The following CWF19L2 variants were observed in gnomAD, a reference collection of about 807,000 sequenced individuals.
CWF19L2 encodes CWF19 like cell cycle control factor 2, also known as CWF19-like protein 2.
A neutral mutation model predicts 111.7 loss-of-function variants in CWF19L2; 98 were observed. That is an observed-to-expected ratio of 0.88 (90% confidence interval 0.75 to 1.04). CWF19L2 has a LOEUF of 1.04. Ranked by LOEUF, CWF19L2 falls within the 50% of genes least tolerant of loss-of-function variation. The pLI is 0.00. For synonymous variants in CWF19L2, 351 were observed against 342.9 expected, an observed-to-expected ratio of 1.02 and a Z score of -0.26; for missense variants, 1,101 against 1,051.4, an observed-to-expected ratio of 1.05 and a Z score of -0.65.
chr11:107,398,367 A>T (rs1264768192), intron 10 of CWF19L2, among the ~76,000 whole-genome samples: 3 of 152,216 alleles, frequency 2.0e-5, no homozygotes, highest in Non-Finnish European at 4.4e-5. Flanking sequence ...CTTTGGACAC[A>T]CTTTTAGAAA....
intron 10 of CWF19L2, among the ~76,000 whole-genome samples, chr11:107,409,679 T>C (rs938664570): frequency 7.9e-5 from 12 of 152,156 alleles, no homozygotes; most frequent in African/African-American, 2.4e-4. Context: ...AAACTAGCAA[T>C]ATCCAAAACT....
At chr11:107,407,848 A>T (rs536034099) in intron 10 of CWF19L2, among the ~76,000 whole-genome samples, 208 of 152,176 alleles carry the variant, frequency 1.4e-3, no homozygotes, top group Non-Finnish European at 2.3e-3. Flanking sequence ...AATAAAAAAA[A>T]TTTTTTAACT....
rs1275486235 is a variant in CWF19L2 at position 107,371,258 on chromosome 11, C to T, written c.1873-17522G>A. ...GACCTCGTGATCTGCCCGCCTCGGC[C>T]TCCCAAAGTGCTGGGATTACAGGCG... On this transcript the variant is annotated intron_variant, in intron 12 of 17. Coordinates refer to ENST00000282251, the MANE Select transcript of CWF19L2 (RefSeq NM_152434.3). 1.5e-4 allele frequency among the ~76,000 whole-genome samples: 20 copies of T among 137,272 alleles called. 2 individuals are homozygous for T. The highest frequency in any genetic ancestry group is 4.7e-5 in the Non-Finnish European group (3 of 64,140). The allele number at this position is 137,272 out of a possible 152,430, so 90.1% of individuals were successfully genotyped here. A position where few individuals can be genotyped will look rare whatever the true frequency, so the allele number is the denominator to read the frequency against.
chr11:107,433,470 AAT>A (rs1194582958), intron 7 of CWF19L2, among the ~76,000 whole-genome samples, 162 bp downstream of exon 7: 1 of 152,190 alleles, frequency 6.6e-6, no homozygotes, highest in Non-Finnish European at 1.5e-5. Context: ...TGTCAATAAA[AAT>A]ATGATACATG....
intron 12 of CWF19L2, among the ~76,000 whole-genome samples, chr11:107,354,849 C>G (rs1860212385): frequency 6.6e-6 from 1 of 152,134 alleles, no homozygotes; most frequent in Non-Finnish European, 1.5e-5. Context: ...AAGTGTCTTC[C>G]TGGGTCAACC....
At chr11:107,392,648 T>C (rs1860865280) in intron 11 of CWF19L2, 131 bp downstream of exon 11, 2 of 547,038 alleles carry the variant, frequency 3.7e-6, no homozygotes, top group South Asian at 2.5e-5. Context: ...AGTAACAACA[T>C]CATTTCCTAC....
intron 10 of CWF19L2, among the ~76,000 whole-genome samples, chr11:107,397,125 C>T (rs891380315): frequency 6.5e-4 from 99 of 152,170 alleles, no homozygotes; most frequent in Non-Finnish European, 3.4e-4. Context: ...AATTATCTAG[C>T]GGAACTTTGT....
chr11:107,329,490 G>A (rs1859811419), intron 17 of CWF19L2, among the ~76,000 whole-genome samples: 1 of 152,156 alleles, frequency 6.6e-6, no homozygotes, highest in Non-Finnish European at 1.5e-5. Context: ...CCCTGGGCAA[G>A]TTACCTAATC....
intron 14 of CWF19L2, among the ~76,000 whole-genome samples, chr11:107,343,765 G>C (rs931764776): frequency 3.3e-5 from 5 of 152,054 alleles, no homozygotes; most frequent in African/African-American, 1.2e-4. Context: ...GTTGCTTTAA[G>C]GCATTACATA....
chr11:107,401,523 A>G (rs1860999677), intron 10 of CWF19L2, among the ~76,000 whole-genome samples: 1 of 152,142 alleles, frequency 6.6e-6, no homozygotes, highest in African/African-American at 2.4e-5. Context: ...TATACCTAAC[A>G]AAAGAGTCAA....
intron 12 of CWF19L2, among the ~76,000 whole-genome samples, chr11:107,382,798 T>G (rs1367475406): frequency 6.6e-6 from 1 of 152,256 alleles, no homozygotes; most frequent in African/African-American, 2.4e-5. Flanking sequence ...GTCTCTCTCC[T>G]GCCCTCCTTT....
intron 13 of CWF19L2, 25 bp downstream of exon 13, chr11:107,353,499 G>A (rs4576794): frequency 0.27 from 429,527 of 1,570,462 alleles, 60,620 homozygotes; most frequent in Non-Finnish European, 0.29. Flanking sequence ...GAGAATGTAA[G>A]CAAAGGATAA....
rs1368626219 is a variant in CWF19L2 at position 107,369,427 on chromosome 11, A to T, written c.1873-15691T>A. The stretch of plus-strand genomic sequence containing the variant: ...AAAAGCTAGGCTACAATCCATAAAC[A>T]TTTGACTAGTATCAAGAGAAAAAAC... On this transcript the variant is annotated intron_variant, in intron 12 of 17. Transcript: ENST00000282251. Among the ~76,000 whole-genome samples, 2 of 137,474 alleles carry T rather than the reference A, an allele frequency of 1.5e-5. 1 individual carries two copies. Among genetic ancestry groups the T allele is most frequent in the Non-Finnish European group, 3.1e-5 (2 of 64,150 alleles). The allele number at this position is 137,474 out of a possible 152,430, so 90.2% of individuals were successfully genotyped here.
intron 14 of CWF19L2, among the ~76,000 whole-genome samples, chr11:107,346,849 G>A (rs994488566): frequency 1.3e-5 from 2 of 152,046 alleles, no homozygotes; most frequent in African/African-American, 4.8e-5. Flanking sequence ...TGGCAAGTGG[G>A]CTTAGATGAC....
chr11:107,422,804 T>A (rs983931093), intron 8 of CWF19L2, among the ~76,000 whole-genome samples: 8 of 152,062 alleles, frequency 5.3e-5, no homozygotes, highest in Non-Finnish European at 1.0e-4. Flanking sequence ...TATTTTTAAA[T>A]AGTGAATTCT....
At chr11:107,353,409 A>C in intron 13 of CWF19L2, 115 bp downstream of exon 13, 1 of 770,122 alleles carries the variant, frequency 1.3e-6, no homozygotes, top group Non-Finnish European at 2.1e-6. Flanking sequence ...TTATTAGGGG[A>C]AAGACCCAAT....
intron 10 of CWF19L2, among the ~76,000 whole-genome samples, chr11:107,397,502 AGCCCCAGCAAGACGC>A (rs1239061146): frequency 6.6e-6 from 1 of 152,040 alleles, no homozygotes; most frequent in Non-Finnish European, 1.5e-5. Flanking sequence ...CCCCCACAGC[AGCCCCAGCAAGACGC>A]GCCCACGGAG....
intron 15 of CWF19L2, among the ~76,000 whole-genome samples, chr11:107,335,504 T>G (rs926018746): frequency 6.6e-6 from 1 of 152,208 alleles, no homozygotes; most frequent in Non-Finnish European, 1.5e-5. Flanking sequence ...GATAGCAACT[T>G]AACTTTGATT....
At chr11:107,445,292 T>G (rs1041377256) in intron 3 of CWF19L2, among the ~76,000 whole-genome samples, 3 of 152,188 alleles carry the variant, frequency 2.0e-5, no homozygotes, top group African/African-American at 4.8e-5. Flanking sequence ...CCAACTAATA[T>G]TCTCTTCTTT....
Sources: allele counts gnomAD v4.1 joint callset (sites outside exome capture counted in the v4.1 genomes callset), GRCh38; gene constraint gnomAD v4.1.1; transcripts MANE v1.5; gene names NCBI Gene and HGNC (gene_info 2026-07-23, HGNC 2026-07-21).